PRDM16: variants seen among roughly 807,000 people sequenced by gnomAD.
The protein encoded by PRDM16 is histone-lysine N-methyltransferase PRDM16.
PRDM16 carries 23 observed loss-of-function variants against 110.6 expected under a neutral mutation model. The observed-to-expected ratio is 0.21, with a 90% CI of 0.15 to 0.29. The LOEUF (loss-of-function observed/expected upper bound fraction) is 0.29, where lower values mean the gene tolerates loss of function less well. PRDM16 is among the 10% of genes least tolerant of loss of function. The pLI, the probability that PRDM16 is intolerant of heterozygous loss-of-function variation, is 1.00. For missense variants in PRDM16, 1,615 were observed against 1,794.3 expected, an observed-to-expected ratio of 0.90 and a Z score of 1.81; for synonymous variants, 799 against 781.8, an observed-to-expected ratio of 1.02 and a Z score of -0.37.
At chr1:3,133,266 A>G (rs769005319) in intron 1 of PRDM16, 1 of 152,238 alleles carries the variant, frequency 6.6e-6, no homozygotes, top group Admixed American at 6.5e-5. Context: ...CTCCTACAGG[A>G]AAATCCAGGG....
At chr1:3,347,611 G>A (rs965761161) in intron 3 of PRDM16, among the ~76,000 whole-genome samples, 2 of 152,242 alleles carry the variant, frequency 1.3e-5, no homozygotes, top group African/African-American at 2.4e-5. Context: ...AGTCCTCGGA[G>A]TAGCTTGGGA....
At chr1:3,300,502 A>G (rs61759194) in intron 3 of PRDM16, among the ~76,000 whole-genome samples, 62,059 of 149,434 alleles carry the variant, frequency 0.42, 13,773 homozygotes, top group Admixed American at 0.49. Context: ...CCCTGGTTGA[A>G]GATGATGTGC....
In PRDM16 at chr1:3,175,612, C is replaced by T. The variant is rs922577314; in HGVS notation, c.38-10513C>T. On this transcript the variant is annotated intron_variant, in intron 1 of 16. Coordinates refer to ENST00000270722, the MANE Select transcript of PRDM16 (RefSeq NM_022114.4). This position sits in a 1 kb window ranked among gnomAD's most constrained non-coding sequence, Gnocchi z 4.8. ...GAGGAGCCAGAGGATGGGGCCCCAA[C>T]AAGCCTCAGGTGGAAGCTGCAGTCC... is the stretch of plus-strand genomic sequence containing the variant. Among the ~76,000 whole-genome samples, 3 of 152,250 alleles carry T rather than the reference C, an allele frequency of 2.0e-5. No individual in the cohort carries two copies. The highest frequency in any genetic ancestry group is 1.3e-4 in the Admixed American group (2 of 15,296).
intron 5 of PRDM16, 66 bp from the exon 6 acceptor site, chr1:3,402,725 A>G (rs992089766): frequency 1.4e-5 from 20 of 1,439,764 alleles, no homozygotes; most frequent in Admixed American, 1.7e-5. Flanking sequence ...AGGTCTCCAG[A>G]GTCCCCTGAT....
intron 3 of PRDM16, among the ~76,000 whole-genome samples, chr1:3,270,401 GGAGGAGGACAGTCCCA>G (rs369819106): frequency 0.032 from 4,783 of 147,424 alleles, 247 homozygotes; most frequent in African/African-American, 0.11. Context: ...AGGACAGTCA[GGAGGAGGACAGTCCCA>G]GAGGAGGACA....
At chr1:3,235,807 G>A (rs2100896524) in intron 2 of PRDM16, among the ~76,000 whole-genome samples, 1 of 152,336 alleles carries the variant, frequency 6.6e-6, no homozygotes, top group African/African-American at 2.4e-5. Context: ...CTCAGGCTGG[G>A]TCAGATCTCC....
At chr1:3,366,865 G>C (rs78880955) in intron 3 of PRDM16, among the ~76,000 whole-genome samples, 1 of 152,108 alleles carries the variant, frequency 6.6e-6, no homozygotes, top group Admixed American at 6.5e-5. Flanking sequence ...CAGTCTACCC[G>C]GTCTGTAGTG....
chr1:3,310,606 A>C (rs74048219), intron 3 of PRDM16, among the ~76,000 whole-genome samples: 15,185 of 152,140 alleles, frequency 0.1, 892 homozygotes, highest in African/African-American at 0.16. Flanking sequence ...TTGGTCCCCA[A>C]GTCCCTCCAC....
chr1:3,351,799 A>G (rs1030960646), intron 3 of PRDM16, among the ~76,000 whole-genome samples: 3 of 112,524 alleles, frequency 2.7e-5, no homozygotes, highest in East Asian at 4.9e-4. Context: ...CTCTCTCACC[A>G]TAGCCCCTCC....
chr1:3,317,889 T>C (rs1037423288), intron 3 of PRDM16, among the ~76,000 whole-genome samples: 9 of 152,376 alleles, frequency 5.9e-5, no homozygotes, highest in East Asian at 3.9e-4. Context: ...CTCTTTGTAA[T>C]GCACTAGTTA....
In PRDM16 at chr1:3,390,834, GT is replaced by G. The variant is rs34675402; in HGVS notation, c.573+5567del. ...CCTTTGCTTTTATCTCTCACAGTGT[GT>G]TTTTTTTTTTTTTTTTTTAGACAGA... On this transcript the variant is annotated intron_variant, in intron 4 of 16. Transcript: ENST00000270722. This position sits in a 1 kb window ranked among gnomAD's most constrained non-coding sequence, Gnocchi z 5.0. Among the ~76,000 whole-genome samples, 35,136 of 125,426 alleles carry G rather than the reference GT, an allele frequency of 0.28. 4,973 individuals carry two copies. The highest frequency in any genetic ancestry group is 0.58 in the East Asian group (2,418 of 4,188). 82.3% of individuals were successfully genotyped at this position (125,426 alleles called of 152,430 possible).
intron 1 of PRDM16, among the ~76,000 whole-genome samples, chr1:3,106,556 A>G (rs1157509499): frequency 6.6e-6 from 1 of 152,160 alleles, no homozygotes. Flanking sequence ...TCACAGGGCA[A>G]AGGCTGGACA....
chr1:3,103,053 C>T (rs191114223), intron 1 of PRDM16, among the ~76,000 whole-genome samples: 31 of 152,322 alleles, frequency 2.0e-4, no homozygotes, highest in East Asian at 1.9e-4. Flanking sequence ...GGTGCAAATA[C>T]GTTCAATGGG....
chr1:3,329,673 C>T (rs1257402807), intron 3 of PRDM16, among the ~76,000 whole-genome samples: 1 of 152,230 alleles, frequency 6.6e-6, no homozygotes, highest in Non-Finnish European at 1.5e-5. Context: ...CCCCTCTCTT[C>T]CAGCTGCCTG....
At chr1:3,421,341 G>T in intron 12 of PRDM16, among the ~76,000 whole-genome samples, 1 of 152,186 alleles carries the variant, frequency 6.6e-6, no homozygotes. Context: ...AGCAGGCACG[G>T]TCACAGCAAG....
At chr1:3,204,614 A>T (rs1195722254) in intron 2 of PRDM16, among the ~76,000 whole-genome samples, 2 of 152,192 alleles carry the variant, frequency 1.3e-5, no homozygotes, top group African/African-American at 2.4e-5. Flanking sequence ...CTGCTCCGTT[A>T]TTTGTAGTTT....
intron 1 of PRDM16, among the ~76,000 whole-genome samples, chr1:3,075,593 C>G (rs1205304642): frequency 3.3e-5 from 5 of 152,268 alleles, no homozygotes; most frequent in Non-Finnish European, 7.3e-5. Flanking sequence ...TTTTATAACC[C>G]TTTGCAAATG....
In PRDM16 at chr1:3,114,179, A is replaced by ATG. The variant is rs1557455821; in HGVS notation, c.37+44883_37+44884insTG. The stretch of plus-strand genomic sequence containing the variant: ...CACACACACACGCACACACACGCAC[A>ATG]CACACGCACACACGCACACGCACGC... On this transcript the variant is annotated intron_variant, in intron 1 of 16. Transcript: ENST00000270722. 1.9e-4 allele frequency among the ~76,000 whole-genome samples: 13 copies of ATG among 70,116 alleles called. No homozygotes were observed. The South Asian group carries it at 4.2e-3, about 23-fold the overall frequency. 46.0% of individuals were successfully genotyped at this position (70,116 alleles called of 152,430 possible).
chr1:3,131,654 C>T (rs1004190070), intron 1 of PRDM16, among the ~76,000 whole-genome samples: 1 of 152,186 alleles, frequency 6.6e-6, no homozygotes, highest in Admixed American at 6.5e-5. Flanking sequence ...ATTGGAAAAG[C>T]GAGGGTTGGT....
Sources: gnomAD v4.1 joint callset for allele counts (sites outside exome capture counted in the v4.1 genomes callset) on GRCh38, gnomAD v4.1.1 for gene constraint, Gnocchi (gnomAD v3.1) non-coding constraint, MANE v1.5 for transcripts, NCBI Gene and HGNC (gene_info 2026-07-23, HGNC 2026-07-21) for gene names.